Variants in PARN observed in about 807,000 individuals in gnomAD.
PARN encodes poly(A)-specific ribonuclease.
A neutral mutation model predicts 102.8 loss-of-function variants in PARN; 71 were observed. That is an observed-to-expected ratio of 0.69 (90% CI 0.57 to 0.84). PARN has a LOEUF of 0.84. Ranked by LOEUF, PARN falls within the 40% of genes least tolerant of loss-of-function variation. PARN has a pLI of 0.00. For synonymous variants in PARN, 261 were observed against 252.9 expected, an observed-to-expected ratio of 1.03 and a Z score of -0.30; for missense variants, 782 against 760.9, an observed-to-expected ratio of 1.03 and a Z score of -0.33.
chr16:14,479,106 G>A (rs895587748), intron 22 of PARN, among the ~76,000 whole-genome samples: 9 of 152,152 alleles, frequency 5.9e-5, no homozygotes, highest in African/African-American at 1.2e-4. Flanking sequence ...GGAGCAAACG[G>A]TTTGAAAATG....
chr16:14,439,375 C>CAAAA (rs58385541), intron 23 of PARN, among the ~76,000 whole-genome samples: 1 of 90,624 alleles, frequency 1.1e-5, no homozygotes, highest in South Asian at 4.0e-4. Context: ...AACTGTCGCA[C>CAAAA]AAAAAAAAAA....
At chr16:14,624,554 T>C (rs1972521909) in intron 5 of PARN, among the ~76,000 whole-genome samples, 1 of 152,244 alleles carries the variant, frequency 6.6e-6, no homozygotes, top group South Asian at 2.1e-4. Context: ...GTTTGTACAA[T>C]GGGTGAAGTT....
intron 6 of PARN, among the ~76,000 whole-genome samples, chr16:14,615,626 C>G (rs368224676): frequency 1.3e-5 from 2 of 152,020 alleles, no homozygotes; most frequent in Admixed American, 1.3e-4. Flanking sequence ...ATGGGCCAGG[C>G]CCGGTGGCTC....
intron 21 of PARN, among the ~76,000 whole-genome samples, chr16:14,529,244 T>TA (rs1160289321): frequency 1.3e-5 from 2 of 152,180 alleles, no homozygotes; most frequent in Non-Finnish European, 2.9e-5. Context: ...TTAGCATGAA[T>TA]AAGCATTTCA....
chr16:14,462,464 A>C (rs972939652), intron 22 of PARN, among the ~76,000 whole-genome samples: 1 of 152,166 alleles, frequency 6.6e-6, no homozygotes, highest in Non-Finnish European at 1.5e-5. Flanking sequence ...CAAGGAAATA[A>C]AACAATATAT....
chr16:14,614,443 G>A (rs1227929968), intron 6 of PARN, among the ~76,000 whole-genome samples: 1 of 152,162 alleles, frequency 6.6e-6, no homozygotes, highest in African/African-American at 2.4e-5. Context: ...GGGCAGGAGT[G>A]GAGAGAATTA....
intron 21 of PARN, among the ~76,000 whole-genome samples, chr16:14,536,461 G>T (rs748511764): frequency 1.3e-5 from 2 of 152,110 alleles, no homozygotes; most frequent in East Asian, 3.8e-4. Flanking sequence ...ACTGCTTTGC[G>T]TTTCCTATTA....
chr16:14,592,250 G>T (rs769943477), intron 13 of PARN, among the ~76,000 whole-genome samples: 2 of 152,174 alleles, frequency 1.3e-5, no homozygotes, highest in Admixed American at 6.6e-5. Flanking sequence ...TATCTCATTT[G>T]AGCCACGTCA....
chr16:14,582,098 T>C, intron 17 of PARN, 83 bp downstream of exon 17: 1 of 862,852 alleles, frequency 1.2e-6, no homozygotes. Context: ...CGACAGTAAT[T>C]TATTACAGCA....
At chr16:14,614,872 A>G (rs904119613) in intron 6 of PARN, among the ~76,000 whole-genome samples, 10 of 150,078 alleles carry the variant, frequency 6.7e-5, no homozygotes, top group African/African-American at 1.2e-4. Flanking sequence ...AAAAAAAAAA[A>G]AAAAAAGAAA....
intron 22 of PARN, among the ~76,000 whole-genome samples, chr16:14,477,883 AT>A (rs1963159714): frequency 6.6e-6 from 1 of 152,202 alleles, no homozygotes; most frequent in Admixed American, 6.5e-5. Context: ...ATGAACAGAG[AT>A]GCAAAAAATA....
chr16:14,528,249 T>G (rs1966116597), intron 21 of PARN, among the ~76,000 whole-genome samples: 1 of 152,204 alleles, frequency 6.6e-6, no homozygotes, highest in African/African-American at 2.4e-5. Context: ...AACAGAAAGC[T>G]GCTCTAGTAA....
chr16:14,436,914 G>A, intron 23 of PARN, 142 bp from the exon 24 acceptor site: 1 of 655,596 alleles, frequency 1.5e-6, no homozygotes, highest in East Asian at 2.7e-5. Flanking sequence ...GCGCTGGAAA[G>A]AGTCCACAGA....
At chr16:14,570,067 G>A (rs924616201) in intron 18 of PARN, among the ~76,000 whole-genome samples, 1 of 152,080 alleles carries the variant, frequency 6.6e-6, no homozygotes, top group Non-Finnish European at 1.5e-5. Context: ...GAGGCCGGGT[G>A]CGGTGGCTCA....
rs1331268805 is a variant in PARN at position 14,446,934 on chromosome 16, T to C, written c.1818A>G (p.Lys606=). Residue 606 remains lysine, a synonymous_variant, in exon 23 of 24, where the codon AAA becomes AAG. Transcript: ENST00000437198. The part of the protein sequence containing the change: ...SCAEPLSEGR[K]KAKKLKRMKK... ...TCATTCTTTTTAATTTCTTGGCCTT[T>C]TTCCTTCCCTCTGAGAGGGGCTCTG... The C allele has an allele frequency of 3.1e-6, 5 of 1,613,558 alleles. No individual in the cohort carries two copies. The highest frequency in any genetic ancestry group is 3.3e-4 in the Middle Eastern group (2 of 6,060).
At chr16:14,459,846 C>T (rs898442028) in intron 22 of PARN, among the ~76,000 whole-genome samples, 1 of 152,054 alleles carries the variant, frequency 6.6e-6, no homozygotes, top group Non-Finnish European at 1.5e-5. Context: ...TAGACCCATA[C>T]GTATATGACC....
intron 23 of PARN, among the ~76,000 whole-genome samples, chr16:14,437,763 ATGATACCTCCAATGGG>A (rs1302914834): frequency 2.6e-5 from 4 of 152,212 alleles, no homozygotes; most frequent in African/African-American, 9.6e-5. Flanking sequence ...GAAGTCTTTG[ATGATACCTCCAATGGG>A]AAATAACTTT....
At chr16:14,472,512 C>T (rs999974392) in intron 22 of PARN, among the ~76,000 whole-genome samples, 1 of 152,112 alleles carries the variant, frequency 6.6e-6, no homozygotes, top group Non-Finnish European at 1.5e-5. Flanking sequence ...ATTAGCATAG[C>T]CCTTTAAAAG....
chr16:14,529,195 T>A (rs1178232010), intron 21 of PARN, among the ~76,000 whole-genome samples: 1 of 152,110 alleles, frequency 6.6e-6, no homozygotes, highest in Non-Finnish European at 1.5e-5. Flanking sequence ...ACAGGAGAGG[T>A]ACGCTGTCGA....
Sources: gnomAD v4.1 joint callset for allele counts (sites outside exome capture counted in the v4.1 genomes callset) on GRCh38, gnomAD v4.1.1 for gene constraint, MANE v1.5 for transcripts, NCBI Gene and HGNC (gene_info 2026-07-23, HGNC 2026-07-21) for gene names.